Variants in CACNA1C observed in about 807,000 individuals in gnomAD.
CACNA1C encodes the protein voltage-dependent L-type calcium channel subunit alpha-1C.
Under a neutral mutation model 229.0 loss-of-function variants are expected in CACNA1C, and 30 were observed. The ratio of observed to expected loss-of-function variants is 0.13; its 90% CI spans 0.10 to 0.18. CACNA1C has a LOEUF of 0.18. Ranked by LOEUF, CACNA1C falls within the 10% of genes least tolerant of loss-of-function variation. The probability of loss-of-function intolerance (pLI) is 1.00; values close to 1 mark genes in which losing one functional copy is unlikely to be tolerated. For missense variants in CACNA1C, 1,658 were observed against 2,845.0 expected (o/e 0.58, Z 9.49); for synonymous variants, 1,114 against 1,132.5 (o/e 0.98, Z 0.33).
At position 2,287,823 on chromosome 12, in the gene CACNA1C, C is replaced by G. The variant is rs148932081; in HGVS notation, c.478-161153C>G. ...ATTTCTAACAAGCTCCCAGGTGACT[C>G]GCTGCTGCTGGCCTGGGACCACACT... On this transcript the variant is annotated intron_variant, in intron 3 of 46. Transcript: ENST00000399655. The surrounding 1 kb of genome is among the most constrained non-coding windows in gnomAD (Gnocchi z 4.6). Among the ~76,000 whole-genome samples, 16 of 152,252 alleles carry G rather than the reference C, an allele frequency of 1.1e-4. No homozygotes were observed. Among genetic ancestry groups the G allele is most frequent in the Middle Eastern group, 3.4e-3 (1 of 294 alleles).
In CACNA1C at chr12:2,346,951, A is replaced by G. The variant is rs1436448588; in HGVS notation, c.478-102025A>G. On this transcript the variant is annotated intron_variant, in intron 3 of 46. Coordinates refer to ENST00000399655, the MANE Select transcript of CACNA1C (RefSeq NM_000719.7). This position sits in a 1 kb window ranked among gnomAD's most constrained non-coding sequence, Gnocchi z 4.4. ...TCTTCTCAGAATGCTAGTCCTTTGTATAACCCTTTCCACTGGCTGGGGCCA... is the reference window on the plus strand; with the variant it reads ...TCTTCTCAGAATGCTAGTCCTTTGTGTAACCCTTTCCACTGGCTGGGGCCA... 6.6e-6 allele frequency among the ~76,000 whole-genome samples: 1 copy of G among 152,164 alleles called. No homozygotes were observed. Among genetic ancestry groups the G allele is most frequent in the East Asian group, 1.9e-4 (1 of 5,194 alleles).
chr12:2,171,894 G>T (rs1176930022), intron 3 of CACNA1C, among the ~76,000 whole-genome samples: 4 of 152,144 alleles, frequency 2.6e-5, no homozygotes, highest in African/African-American at 9.7e-5. Context: ...GATAGGTCTG[G>T]GAGGACGGCC....
intron 3 of CACNA1C, among the ~76,000 whole-genome samples, chr12:2,256,597 C>G (rs1202238237): frequency 6.6e-6 from 1 of 152,074 alleles, no homozygotes; most frequent in African/African-American, 2.4e-5. Context: ...TTAGAGATGA[C>G]GAGAAGATGG....
chr12:2,481,847 C>G (rs532883382), intron 5 of CACNA1C, among the ~76,000 whole-genome samples: 1 of 152,232 alleles, frequency 6.6e-6, no homozygotes, highest in Non-Finnish European at 1.5e-5. Context: ...GTTCACAGAA[C>G]GTTTGTCAGC....
chr12:2,367,965 AAAAAG>A (rs1308220967), intron 3 of CACNA1C, among the ~76,000 whole-genome samples: 1 of 152,202 alleles, frequency 6.6e-6, no homozygotes, highest in Non-Finnish European at 1.5e-5. Flanking sequence ...ACACAGATGA[AAAAAG>A]AAAAATGAAA....
intron 1 of CACNA1C, among the ~76,000 whole-genome samples, chr12:2,040,957 C>CA (rs1295167394): frequency 3.9e-5 from 6 of 152,180 alleles, no homozygotes; most frequent in Non-Finnish European, 7.3e-5. Context: ...GCTTTAAACT[C>CA]AGAGTTCTTT....
rs780423441 is a variant in CACNA1C at position 2,108,193 on chromosome 12, G to A, written c.50-7031G>A. Among the ~76,000 whole-genome samples the A allele has an allele frequency of 7.3e-4, 111 of 152,312 alleles. 1 individual carries two copies. The highest frequency in any genetic ancestry group is 1.2e-3 in the Admixed American group (18 of 15,292). ...GCCTATAACAGAAACTTCTGTAGCC[G>A]TGTTTAGAGGAAAGATAGTACAGGA... On this transcript the variant is annotated intron_variant, in intron 1 of 46. Transcript: ENST00000399655. The surrounding 1 kb of genome is among the most constrained non-coding windows in gnomAD (Gnocchi z 5.3).
At chr12:2,049,426 C>CGTA (rs2051705092), upstream of CACNA1C, 1 of 152,130 alleles carries the variant, frequency 6.6e-6, no homozygotes, top group East Asian at 1.9e-4. Context: ...AGTTCATTTC[C>CGTA]AGGTTTTCAC....
intron 4 of CACNA1C, among the ~76,000 whole-genome samples, chr12:2,457,284 C>T (rs1394595433): frequency 1.3e-5 from 2 of 152,234 alleles, no homozygotes; most frequent in African/African-American, 4.8e-5. Flanking sequence ...CCACGTTTGT[C>T]CAGCGCTTGT....
In CACNA1C at chr12:2,395,529, T is replaced by C. The variant is rs183143526; in HGVS notation, c.478-53447T>C. On this transcript the variant is annotated intron_variant, in intron 3 of 46. Coordinates refer to ENST00000399655, the MANE Select transcript of CACNA1C (RefSeq NM_000719.7). Reference sequence around the variant, plus strand: ...AATAAAGGGAAAGGGGCTTTTTTTTTCATGACCCTGAAGACAGAGGGACTC... The same window carrying C: ...AATAAAGGGAAAGGGGCTTTTTTTTCCATGACCCTGAAGACAGAGGGACTC... Among the ~76,000 whole-genome samples the C allele has an allele frequency of 1.9e-3, 282 of 152,282 alleles. 1 individual carries two copies. Among genetic ancestry groups the C allele is most frequent in the East Asian group, 0.01 (54 of 5,182 alleles).
chr12:2,548,473 A>G (rs1158536835), intron 9 of CACNA1C, among the ~76,000 whole-genome samples: 3 of 152,148 alleles, frequency 2.0e-5, no homozygotes, highest in African/African-American at 7.2e-5. Flanking sequence ...TGGGCATCAC[A>G]TCCCTTCTCT....
intron 5 of CACNA1C, among the ~76,000 whole-genome samples, chr12:2,485,533 G>C (rs567805615): frequency 4.6e-5 from 7 of 152,224 alleles, no homozygotes; most frequent in Non-Finnish European, 1.0e-4. Context: ...AGAGGGATCT[G>C]GGTGCTTTTT....
intron 3 of CACNA1C, among the ~76,000 whole-genome samples, chr12:2,445,130 G>A (rs760162968): frequency 2.2e-4 from 33 of 152,252 alleles, no homozygotes; most frequent in Middle Eastern, 3.4e-3. Context: ...CTCTCCACCT[G>A]CAATGCCTGA....
chr12:2,331,247 T>C (rs548030987), intron 3 of CACNA1C, among the ~76,000 whole-genome samples: 1 of 152,336 alleles, frequency 6.6e-6, no homozygotes, highest in East Asian at 1.9e-4. Flanking sequence ...TGTACATGTA[T>C]GGATGTATAT....
chr12:2,049,681 T>C (rs191836995), upstream of CACNA1C, among the ~76,000 whole-genome samples: 32 of 152,288 alleles, frequency 2.1e-4, no homozygotes, highest in South Asian at 8.3e-4. Flanking sequence ...CAAAATACTA[T>C]GCAGAAAGAG....
chr12:2,300,266 A>G (rs2094448962), intron 3 of CACNA1C, among the ~76,000 whole-genome samples: 1 of 152,232 alleles, frequency 6.6e-6, no homozygotes, highest in South Asian at 2.1e-4. Context: ...ATTAATTTAC[A>G]TGCACTTATG....
At chr12:2,033,108 C>T (rs1398981095) in intron 1 of CACNA1C, among the ~76,000 whole-genome samples, 1 of 152,196 alleles carries the variant, frequency 6.6e-6, no homozygotes, top group African/African-American at 2.4e-5. Context: ...CTAACCCACC[C>T]TGGGGGAGTT....
At chr12:2,249,352 C>T (rs148136720) in intron 3 of CACNA1C, among the ~76,000 whole-genome samples, 137 of 152,302 alleles carry the variant, frequency 9.0e-4, no homozygotes, top group Middle Eastern at 3.4e-3. Flanking sequence ...CCACACGTAT[C>T]CATTTATGTC....
In CACNA1C at chr12:2,679,565, G is replaced by A. The variant is rs1312429867; in HGVS notation, c.5213G>A (p.Gly1738Asp). Residue 1738 changes from glycine to aspartate, a missense_variant, in exon 42 of 47, where the codon GGC becomes GAC. Physicochemically the swap from Gly to Asp is moderately conservative, Grantham distance 94. Around this residue, in one of 20 missense-constraint regions of CACNA1C, gnomAD observed 590 missense variants for 700.8 expected, o/e 0.84. Coordinates refer to ENST00000399655, the MANE Select transcript of CACNA1C (RefSeq NM_000719.7). The surrounding 1 kb of genome is among the most constrained non-coding windows in gnomAD (Gnocchi z 5.5). The part of the protein sequence containing the change: ...LHINKAGSSQ[G>D]DTESPSHEKL... ...ATCAACAAGGCGGGCAGCAGCCAGG[G>A]CGACACTGAGTCGCCATCCCACGAG... 5 of 1,613,606 alleles carry A rather than the reference G, an allele frequency of 3.1e-6. No homozygotes were observed. The Admixed American group carries it at 6.7e-5, about 22-fold the overall frequency.
Sources: gnomAD v4.1 joint callset for allele counts (sites outside exome capture counted in the v4.1 genomes callset) on GRCh38, gnomAD v4.1.1 for gene constraint, gnomAD v4.1.1 regional missense constraint, Gnocchi (gnomAD v3.1) non-coding constraint, MANE v1.5 for transcripts, NCBI Gene and HGNC (gene_info 2026-07-23, HGNC 2026-07-21) for gene names.